GPHN: variants seen among roughly 807,000 people sequenced by gnomAD.
GPHN encodes gephyrin.
GPHN carries 17 observed loss-of-function variants against 95.5 expected under a neutral mutation model. The observed-to-expected ratio is 0.18, with a 90% CI of 0.12 to 0.27. The LOEUF (loss-of-function observed/expected upper bound fraction) is 0.27, where lower values mean the gene tolerates loss of function less well. Among genes scored for constraint, GPHN ranks in the 10% least tolerant of loss-of-function variants. The pLI, the probability that GPHN is intolerant of heterozygous loss-of-function variation, is 1.00. For missense variants in GPHN, 660 were observed against 978.1 expected (o/e 0.67, Z 4.34); for synonymous variants, 320 against 322.5 (o/e 0.99, Z 0.08).
intron 2 of GPHN, among the ~76,000 whole-genome samples, chr14:66,705,173 A>G (rs1026906961): frequency 6.6e-6 from 1 of 152,262 alleles, no homozygotes; most frequent in Admixed American, 6.5e-5. Flanking sequence ...GCAGCAATTA[A>G]TAGCATACTA....
chr14:66,519,138 T>C (rs894812295), intron 1 of GPHN, among the ~76,000 whole-genome samples: 2 of 151,974 alleles, frequency 1.3e-5, no homozygotes, highest in South Asian at 2.1e-4. Context: ...AAGAAAATTT[T>C]AAAAATTGCA....
chr14:67,033,339 G>A (rs758442228), intron 10 of GPHN, among the ~76,000 whole-genome samples: 18 of 152,112 alleles, frequency 1.2e-4, no homozygotes, highest in Non-Finnish European at 1.8e-4. Flanking sequence ...CAAGGCAGGC[G>A]GATCACTTGA....
chr14:67,103,492 T>C (rs1449173789), intron 13 of GPHN, among the ~76,000 whole-genome samples: 3 of 148,064 alleles, frequency 2.0e-5, no homozygotes, highest in African/African-American at 7.4e-5. Flanking sequence ...CCCAACGACA[T>C]GGGATGCTGT....
At chr14:66,585,215 C>A (rs2061370242) in intron 1 of GPHN, among the ~76,000 whole-genome samples, 1 of 152,104 alleles carries the variant, frequency 6.6e-6, no homozygotes, top group East Asian at 1.9e-4. Flanking sequence ...GTTTGTATTT[C>A]TGTGGGATCG....
intron 2 of GPHN, among the ~76,000 whole-genome samples, chr14:66,771,876 TTA>T (rs1350908366): frequency 6.6e-6 from 1 of 152,062 alleles, no homozygotes; most frequent in Non-Finnish European, 1.5e-5. Context: ...TAACTCAAGT[TTA>T]TATATCTATC....
intron 1 of GPHN, among the ~76,000 whole-genome samples, chr14:66,584,113 G>A (rs1462585203): frequency 6.6e-6 from 1 of 152,088 alleles, no homozygotes; most frequent in South Asian, 2.1e-4. Context: ...TCCCTTGTAA[G>A]TTGGATTCCT....
At chr14:66,937,367 G>A (rs1466204736) in intron 8 of GPHN, among the ~76,000 whole-genome samples, 3 of 150,956 alleles carry the variant, frequency 2.0e-5, no homozygotes, top group Non-Finnish European at 3.0e-5. Flanking sequence ...GGGCTGATTC[G>A]TTACATAACT....
the GPHN span, chr14:67,316,844 A>G: frequency 6.2e-7 from 1 of 1,612,006 alleles, no homozygotes; most frequent in South Asian, 1.1e-5. Flanking sequence ...AAAAGCTTTC[A>G]GCAGCAAAGG....
At chr14:66,551,499 A>C (rs1594930386) in intron 1 of GPHN, among the ~76,000 whole-genome samples, 1 of 152,260 alleles carries the variant, frequency 6.6e-6, no homozygotes, top group South Asian at 2.1e-4. Flanking sequence ...CCTATATCTA[A>C]GTCTTGAGCT....
chr14:66,591,510 T>C (rs560036199), intron 1 of GPHN, among the ~76,000 whole-genome samples: 2 of 143,874 alleles, frequency 1.4e-5, no homozygotes. Context: ...TATACATCAA[T>C]AATAGAGAAA....
the GPHN span, chr14:67,575,921 GTTGCT>G: frequency 6.2e-7 from 1 of 1,613,914 alleles, no homozygotes; most frequent in Non-Finnish European, 8.5e-7. Context: ...GAACCAGACG[GTTGCT>G]TTCCTCCCAC....
intron 1 of GPHN, among the ~76,000 whole-genome samples, chr14:66,656,644 AAACTT>A (rs748752720): frequency 6.6e-6 from 1 of 152,152 alleles, no homozygotes; most frequent in Non-Finnish European, 1.5e-5. Flanking sequence ...ACAATATTTT[AAACTT>A]TTTAATAATG....
chr14:67,389,967 C>T, the GPHN span, among the ~76,000 whole-genome samples: 16 of 152,104 alleles, frequency 1.1e-4, no homozygotes, highest in East Asian at 2.9e-3. Flanking sequence ...CTAGCTGGGT[C>T]CAGGCAGGGG....
chr14:67,557,416 C>A, the GPHN span: 1 of 1,612,662 alleles, frequency 6.2e-7, no homozygotes, highest in Non-Finnish European at 8.5e-7. Context: ...GCTGGAGAAG[C>A]AGGTAAGGGC....
intron 1 of GPHN, among the ~76,000 whole-genome samples, chr14:66,654,701 T>C (rs1000939874): frequency 5.3e-5 from 8 of 152,300 alleles, no homozygotes; most frequent in Non-Finnish European, 1.0e-4. Flanking sequence ...ATGGTGCTTT[T>C]TGTGTCAAGT....
intron 2 of GPHN, among the ~76,000 whole-genome samples, chr14:66,749,194 C>T (rs886443823): frequency 1.3e-5 from 2 of 151,916 alleles, no homozygotes; most frequent in African/African-American, 4.8e-5. Context: ...TAGCTTATTT[C>T]TTTTTACCAT....
the GPHN span, among the ~76,000 whole-genome samples, chr14:67,191,802 C>A: frequency 6.6e-6 from 1 of 152,282 alleles, no homozygotes; most frequent in South Asian, 2.1e-4. Flanking sequence ...GAAGAACTAG[C>A]GTTGGTTTCC....
chr14:67,716,770 G>C, the GPHN span, among the ~76,000 whole-genome samples: 1 of 151,918 alleles, frequency 6.6e-6, no homozygotes, highest in Non-Finnish European at 1.5e-5. Flanking sequence ...TGTGGGTCCA[G>C]CTATTCAGGA....
chr14:66,879,869 G>A, intron 4 of GPHN, 70 bp from the exon 5 acceptor site: 1 of 947,540 alleles, frequency 1.1e-6, no homozygotes, highest in Non-Finnish European at 1.7e-6. Context: ...TTTTAAGTGG[G>A]TTTTACTAGT....
Sources: allele counts gnomAD v4.1 joint callset (sites outside exome capture counted in the v4.1 genomes callset), GRCh38; gene constraint gnomAD v4.1.1; transcripts MANE v1.5; gene names NCBI Gene and HGNC (gene_info 2026-07-23, HGNC 2026-07-21).